The following FSTL4 variants were observed in gnomAD, a reference collection of about 807,000 sequenced individuals.
The protein encoded by FSTL4 is follistatin-related protein 4.
In FSTL4, 28 loss-of-function variants were observed where a neutral mutation model predicts 78.2. The observed-to-expected ratio is 0.36, with a 90% CI of 0.27 to 0.49. The LOEUF is 0.49. Ranked by LOEUF, FSTL4 falls within the 20% of genes least tolerant of loss-of-function variation. FSTL4 has a pLI of 0.98. For missense variants in FSTL4, 922 were observed against 1,084.9 expected, an observed-to-expected ratio of 0.85 and a Z score of 2.11; for synonymous variants, 422 against 440.5, an observed-to-expected ratio of 0.96 and a Z score of 0.53.
the FSTL4 span, among the ~76,000 whole-genome samples, chr5:133,771,790 T>C: frequency 6.6e-6 from 1 of 152,138 alleles, no homozygotes; most frequent in Non-Finnish European, 1.5e-5. Flanking sequence ...AAATTAAAGA[T>C]CTCTTTAATG....
intron 6 of FSTL4, 88 bp from the exon 7 acceptor site, chr5:133,249,664 TG>T: frequency 9.6e-7 from 1 of 1,037,780 alleles, no homozygotes; most frequent in South Asian, 1.5e-5. Context: ...ATTTCCTGGG[TG>T]GAAGAGGCCC....
chr5:133,657,775 GTTTT>G, the FSTL4 span, among the ~76,000 whole-genome samples: 1 of 133,700 alleles, frequency 7.5e-6, no homozygotes, highest in Non-Finnish European at 1.6e-5. Flanking sequence ...TGTTTTTTTT[GTTTT>G]TTTTTTTTTT....
At chr5:133,776,211 G>T in the FSTL4 span, among the ~76,000 whole-genome samples, 1 of 152,158 alleles carries the variant, frequency 6.6e-6, no homozygotes, top group Admixed American at 6.5e-5. Flanking sequence ...TTGTCCTCTG[G>T]CTTTGTGGTT....
At chr5:133,779,746 C>T in the FSTL4 span, among the ~76,000 whole-genome samples, 2 of 152,212 alleles carry the variant, frequency 1.3e-5, no homozygotes, top group Non-Finnish European at 2.9e-5. Flanking sequence ...TCTCCAGCCT[C>T]GGCTCTATCC....
intron 6 of FSTL4, among the ~76,000 whole-genome samples, chr5:133,297,529 C>A (rs1350227233): frequency 1.3e-5 from 2 of 152,166 alleles, no homozygotes. Context: ...TAAAATGAGA[C>A]ACGTGGTATC....
the FSTL4 span, among the ~76,000 whole-genome samples, chr5:133,819,096 C>G: frequency 6.6e-6 from 1 of 150,686 alleles, no homozygotes; most frequent in East Asian, 2.0e-4. Context: ...AATGCTGGGT[C>G]GGAACCTGCT....
At chr5:133,343,402 G>A (rs1285651429) in intron 4 of FSTL4, among the ~76,000 whole-genome samples, 1 of 152,146 alleles carries the variant, frequency 6.6e-6, no homozygotes, top group African/African-American at 2.4e-5. Context: ...GCTGGCCCAC[G>A]GCCACCTCTC....
At chr5:133,706,708 C>T in the FSTL4 span, among the ~76,000 whole-genome samples, 1 of 152,198 alleles carries the variant, frequency 6.6e-6, no homozygotes. Flanking sequence ...GACCAGCCCA[C>T]TTCCACGAGG....
the FSTL4 span, among the ~76,000 whole-genome samples, chr5:133,768,609 G>GC: frequency 1.3e-5 from 2 of 152,266 alleles, no homozygotes; most frequent in Admixed American, 1.3e-4. Context: ...ACCTGCCATT[G>GC]CTTCAGGCAC....
chr5:133,646,604 G>A, the FSTL4 span, among the ~76,000 whole-genome samples: 16 of 152,272 alleles, frequency 1.1e-4, no homozygotes, highest in East Asian at 2.3e-3. Context: ...CCAGGGAAGC[G>A]GTAAAGATGA....
chr5:133,836,295 C>T, the FSTL4 span, among the ~76,000 whole-genome samples: 1 of 152,078 alleles, frequency 6.6e-6, no homozygotes, highest in Non-Finnish European at 1.5e-5. Flanking sequence ...TTTTTCTTCA[C>T]TCTTAGCTAG....
At chr5:133,460,677 G>A (rs1757574388) in intron 3 of FSTL4, among the ~76,000 whole-genome samples, 1 of 152,190 alleles carries the variant, frequency 6.6e-6, no homozygotes, top group Admixed American at 6.5e-5. Context: ...ACTTTCTACA[G>A]GGAGTATTCA....
intron 4 of FSTL4, among the ~76,000 whole-genome samples, chr5:133,357,700 G>C (rs1435496019): frequency 6.6e-6 from 1 of 152,036 alleles, no homozygotes; most frequent in Non-Finnish European, 1.5e-5. Context: ...CAGGTTTCTT[G>C]CCTACCTCAT....
At chr5:133,628,283 CAG>C in the FSTL4 span, among the ~76,000 whole-genome samples, 1 of 151,758 alleles carries the variant, frequency 6.6e-6, no homozygotes, top group South Asian at 2.1e-4. Flanking sequence ...CTGAAAGAGA[CAG>C]AGACACAAAA....
At chr5:133,230,740 G>A (rs1032357842) in intron 8 of FSTL4, among the ~76,000 whole-genome samples, 11 of 152,172 alleles carry the variant, frequency 7.2e-5, no homozygotes, top group Middle Eastern at 3.4e-3. Flanking sequence ...CTCCTCCTGC[G>A]CCTTATCCCA....
At chr5:133,467,728 G>A (rs777442100) in intron 3 of FSTL4, among the ~76,000 whole-genome samples, 6 of 152,068 alleles carry the variant, frequency 3.9e-5, no homozygotes, top group African/African-American at 4.8e-5. Flanking sequence ...CCCCCACCCC[G>A]ATGGAGCACA....
At chr5:133,615,326 T>C (rs963027710), upstream of FSTL4, among the ~76,000 whole-genome samples, 1 of 152,242 alleles carries the variant, frequency 6.6e-6, no homozygotes, top group Admixed American at 6.5e-5. Flanking sequence ...AATGTTTTTG[T>C]AAATCTTCAA....
intron 3 of FSTL4, among the ~76,000 whole-genome samples, chr5:133,437,362 G>C (rs1757054892): frequency 6.6e-6 from 1 of 152,086 alleles, no homozygotes; most frequent in South Asian, 2.1e-4. Flanking sequence ...GAGGTAGCTT[G>C]AGAAGGTAAT....
chr5:133,393,228 AG>A (rs967615360), intron 4 of FSTL4, among the ~76,000 whole-genome samples: 2 of 152,144 alleles, frequency 1.3e-5, no homozygotes, highest in African/African-American at 4.8e-5. Flanking sequence ...CCAACATGAG[AG>A]ACAGTCCGTA....
Sources: gnomAD v4.1 joint callset for allele counts (sites outside exome capture counted in the v4.1 genomes callset) on GRCh38, gnomAD v4.1.1 for gene constraint, MANE v1.5 for transcripts, NCBI Gene and HGNC (gene_info 2026-07-23, HGNC 2026-07-21) for gene names.